The following SGCZ variants were observed in gnomAD, a reference collection of about 807,000 sequenced individuals.
The protein encoded by SGCZ is sarcoglycan zeta.
Under a neutral mutation model 41.3 loss-of-function variants are expected in SGCZ, and 40 were observed. The observed-to-expected ratio is 0.97, with a 90% confidence interval of 0.75 to 1.26. SGCZ has a LOEUF of 1.26. SGCZ is among the 50% of genes most tolerant of loss of function. The probability of loss-of-function intolerance (pLI) is 0.00; values close to 1 mark genes in which losing one functional copy is unlikely to be tolerated. For synonymous variants in SGCZ, 206 were observed against 137.5 expected, an observed-to-expected ratio of 1.50 and a Z score of -3.49; for missense variants, 552 against 369.8, an observed-to-expected ratio of 1.49 and a Z score of -4.04.
chr8:15,061,490 C>T (rs1804927570), intron 1 of SGCZ, among the ~76,000 whole-genome samples: 1 of 150,846 alleles, frequency 6.6e-6, no homozygotes. Context: ...AAGTAACAAA[C>T]CTGCACGTTC....
At chr8:14,813,444 A>T (rs1465158507) in intron 1 of SGCZ, among the ~76,000 whole-genome samples, 1 of 152,208 alleles carries the variant, frequency 6.6e-6, no homozygotes. Context: ...AGAAATGCAA[A>T]TCTGATAAAT....
chr8:14,246,161 G>A (rs548420510), intron 3 of SGCZ, among the ~76,000 whole-genome samples: 199 of 152,184 alleles, frequency 1.3e-3, no homozygotes, highest in Middle Eastern at 6.8e-3. Flanking sequence ...TGTTTATTGC[G>A]GCTGTATTCA....
chr8:14,532,771 A>G (rs1803172989), intron 2 of SGCZ, among the ~76,000 whole-genome samples: 1 of 151,110 alleles, frequency 6.6e-6, no homozygotes, highest in African/African-American at 2.4e-5. Context: ...AAAGAAGACT[A>G]AGCTATTTCA....
intron 1 of SGCZ, among the ~76,000 whole-genome samples, chr8:14,788,761 G>A (rs931944532): frequency 2.6e-5 from 4 of 152,036 alleles, no homozygotes; most frequent in African/African-American, 9.7e-5. Flanking sequence ...AAGAAATAAA[G>A]CGCTAGCTTC....
In SGCZ at chr8:15,194,653, C is replaced by G. The variant is rs1349901; in HGVS notation, c.39+42932G>C. ...GATGGAAGTAGAGATAAGAGAGAGACAGAAAGGGAGAGAGATCTGAAGGTT... is the reference window on the plus strand; with the variant it reads ...GATGGAAGTAGAGATAAGAGAGAGAGAGAAAGGGAGAGAGATCTGAAGGTT... On this transcript the variant is annotated intron_variant, in intron 1 of 7. Coordinates refer to ENST00000382080, the MANE Select transcript of SGCZ (RefSeq NM_139167.4). Among the ~76,000 whole-genome samples, 2,406 of 152,090 alleles carry G rather than the reference C, an allele frequency of 0.016. 190 individuals carry two copies. The East Asian group carries it at 0.2, about 12-fold the overall frequency.
intron 1 of SGCZ, among the ~76,000 whole-genome samples, chr8:15,167,008 T>A (rs1799685320): frequency 7.0e-6 from 1 of 142,280 alleles, no homozygotes; most frequent in South Asian, 2.4e-4. Flanking sequence ...AATTGCTGAT[T>A]CTTGTTTTGT....
At chr8:14,613,861 T>G (rs1029024072) in intron 1 of SGCZ, among the ~76,000 whole-genome samples, 2 of 152,122 alleles carry the variant, frequency 1.3e-5, no homozygotes, top group Middle Eastern at 3.2e-3. Flanking sequence ...CTACATGCTG[T>G]CAATTGAGGT....
chr8:15,138,095 C>G (rs377156930), intron 1 of SGCZ, among the ~76,000 whole-genome samples: 1 of 152,138 alleles, frequency 6.6e-6, no homozygotes. Context: ...CTGTGAGACA[C>G]GGAATCAAAG....
At chr8:14,557,811 G>C (rs1804079107) in intron 1 of SGCZ, among the ~76,000 whole-genome samples, 1 of 151,964 alleles carries the variant, frequency 6.6e-6, no homozygotes, top group African/African-American at 2.4e-5. Context: ...AAATAACCAA[G>C]ATCAGAGCAG....
At chr8:14,956,546 T>C (rs1157463438) in intron 1 of SGCZ, among the ~76,000 whole-genome samples, 2 of 152,114 alleles carry the variant, frequency 1.3e-5, no homozygotes, top group Non-Finnish European at 1.5e-5. Context: ...ATGCACAGAA[T>C]CTCGGTGCAT....
chr8:14,441,347 C>T (rs111772564), intron 2 of SGCZ, among the ~76,000 whole-genome samples: 14,927 of 152,172 alleles, frequency 0.098, 842 homozygotes, highest in Non-Finnish European at 0.14. Context: ...GAGGCCAAGA[C>T]AGGTGGATCA....
intron 1 of SGCZ, among the ~76,000 whole-genome samples, chr8:14,721,615 C>G (rs1809889493): frequency 6.6e-6 from 1 of 152,330 alleles, no homozygotes; most frequent in Non-Finnish European, 1.5e-5. Context: ...TCTAAGGCAC[C>G]ACCAATTCTC....
At chr8:15,097,837 T>TGTGTATATATATATAC (rs1563123920) in intron 1 of SGCZ, among the ~76,000 whole-genome samples, 8 of 8,396 alleles carry the variant, frequency 9.5e-4, no homozygotes, top group Non-Finnish European at 1.8e-3. Context: ...TATATATACG[T>TGTGTATATATATATAC]GTGTGTATAT....
intron 1 of SGCZ, among the ~76,000 whole-genome samples, chr8:14,885,120 T>C (rs1804738687): frequency 6.6e-6 from 1 of 152,232 alleles, no homozygotes; most frequent in Non-Finnish European, 1.5e-5. Context: ...AGGTGGGCTT[T>C]CACAACCAAA....
intron 1 of SGCZ, among the ~76,000 whole-genome samples, chr8:14,967,321 G>A (rs916903360): frequency 1.3e-5 from 2 of 152,028 alleles, no homozygotes; most frequent in Non-Finnish European, 1.5e-5. Context: ...CTTCTAACTG[G>A]CGCTCCATCT....
At chr8:14,339,847 C>CATGGGAATGAA in intron 2 of SGCZ, among the ~76,000 whole-genome samples, 1 of 151,884 alleles carries the variant, frequency 6.6e-6, no homozygotes, top group East Asian at 1.9e-4. Context: ...TTGGAAAAAA[C>CATGGGAATGAA]ACATGGGAAT....
chr8:14,247,528 C>T (rs1455440405), intron 3 of SGCZ, among the ~76,000 whole-genome samples: 2 of 152,184 alleles, frequency 1.3e-5, no homozygotes, highest in Non-Finnish European at 2.9e-5. Context: ...GACTCATTAT[C>T]CTAAAAGGGA....
At chr8:14,734,260 T>C (rs1201938768) in intron 1 of SGCZ, among the ~76,000 whole-genome samples, 3 of 152,174 alleles carry the variant, frequency 2.0e-5, no homozygotes, top group African/African-American at 4.8e-5. Flanking sequence ...AATGTAAATT[T>C]AGCATAAGAT....
At chr8:14,339,994 G>C (rs971831341) in intron 2 of SGCZ, among the ~76,000 whole-genome samples, 2 of 152,208 alleles carry the variant, frequency 1.3e-5, no homozygotes, top group East Asian at 3.9e-4. Context: ...GAACACTGAA[G>C]GAACAAATGA....
Sources: allele counts gnomAD v4.1 joint callset (sites outside exome capture counted in the v4.1 genomes callset), GRCh38; gene constraint gnomAD v4.1.1; transcripts MANE v1.5; gene names NCBI Gene and HGNC (gene_info 2026-07-23, HGNC 2026-07-21).